Variants in KLF12 observed in about 807,000 individuals in gnomAD.
The protein encoded by KLF12 is Krueppel-like factor 12.
Under a neutral mutation model 37.8 loss-of-function variants are expected in KLF12, and 9 were observed. That is an observed-to-expected ratio of 0.24 (90% CI 0.14 to 0.42). The LOEUF is 0.42. Ranked by LOEUF, KLF12 falls within the 10% of genes least tolerant of loss-of-function variation. The probability of loss-of-function intolerance (pLI) is 1.00; values close to 1 mark genes in which losing one functional copy is unlikely to be tolerated. For missense variants in KLF12, 411 were observed against 516.0 expected, an observed-to-expected ratio of 0.80 and a Z score of 1.97; for synonymous variants, 208 against 202.1, an observed-to-expected ratio of 1.03 and a Z score of -0.25.
intron 3 of KLF12, among the ~76,000 whole-genome samples, chr13:73,867,269 A>G (rs1211096392): frequency 1.3e-5 from 2 of 152,116 alleles, no homozygotes; most frequent in Non-Finnish European, 2.9e-5. Context: ...ACAAAGCAAA[A>G]GAAGGTTGGT....
the KLF12 span, among the ~76,000 whole-genome samples, chr13:74,183,138 AT>A: frequency 1.3e-5 from 2 of 152,156 alleles, no homozygotes; most frequent in Non-Finnish European, 2.9e-5. Context: ...ATTGAATAGT[AT>A]TGATTAATTG....
At chr13:73,805,641 G>GAA (rs1882545161) in intron 5 of KLF12, among the ~76,000 whole-genome samples, 1 of 55,534 alleles carries the variant, frequency 1.8e-5, no homozygotes, top group Non-Finnish European at 3.4e-5. Context: ...AGGGAGGGAG[G>GAA]GAGGGAGGGA....
intron 1 of KLF12, among the ~76,000 whole-genome samples, chr13:74,120,356 C>G (rs1458961883): frequency 6.6e-6 from 1 of 152,120 alleles, no homozygotes; most frequent in African/African-American, 2.4e-5. Context: ...GTGGCAGGCG[C>G]CTATCAGGAG....
intron 3 of KLF12, among the ~76,000 whole-genome samples, chr13:73,935,439 C>T (rs1030214901): frequency 5.3e-5 from 8 of 151,940 alleles, no homozygotes; most frequent in East Asian, 1.9e-4. Context: ...TGTTGAAATG[C>T]GACCTCCAAT....
chr13:73,921,083 CTGTT>C (rs1383753595), intron 3 of KLF12, among the ~76,000 whole-genome samples: 1 of 152,174 alleles, frequency 6.6e-6, no homozygotes, highest in East Asian at 1.9e-4. Flanking sequence ...TACTTACTGT[CTGTT>C]TTTCAGGCCC....
intron 4 of KLF12, among the ~76,000 whole-genome samples, chr13:73,834,656 C>T (rs955530553): frequency 1.3e-5 from 2 of 152,126 alleles, no homozygotes; most frequent in African/African-American, 4.8e-5. Context: ...GATTACAAGG[C>T]GTATGCCACC....
At chr13:74,154,030 A>G in the KLF12 span, among the ~76,000 whole-genome samples, 1,574 of 151,786 alleles carry the variant, frequency 0.01, 30 homozygotes, top group African/African-American at 0.036. Context: ...GATCAAGACC[A>G]TCCTGGACAA....
intron 3 of KLF12, among the ~76,000 whole-genome samples, chr13:73,847,128 T>C (rs907106577): frequency 1.3e-5 from 2 of 152,150 alleles, no homozygotes; most frequent in Non-Finnish European, 2.9e-5. Context: ...ATGCTATTAT[T>C]TGCATGAATA....
intron 3 of KLF12, among the ~76,000 whole-genome samples, chr13:73,926,915 C>T (rs564963661): frequency 1.4e-5 from 2 of 145,578 alleles, no homozygotes; most frequent in South Asian, 4.5e-4. Context: ...GACAGAACAG[C>T]ACTCAACTCC....
chr13:74,181,041 C>T, the KLF12 span, among the ~76,000 whole-genome samples: 1 of 151,960 alleles, frequency 6.6e-6, no homozygotes, highest in Non-Finnish European at 1.5e-5. Context: ...CTTTGTTGCC[C>T]AGGCTGGAGT....
At chr13:73,759,454 C>T (rs781741698) in intron 6 of KLF12, among the ~76,000 whole-genome samples, 7 of 152,096 alleles carry the variant, frequency 4.6e-5, no homozygotes, top group Non-Finnish European at 8.8e-5. Flanking sequence ...GGAGTAAGTG[C>T]CACATACTGG....
In KLF12 at chr13:73,692,614, C is replaced by G. The variant is rs1566299274; in HGVS notation, c.*2876G>C. The G allele has an allele frequency of 6.6e-6, 1 of 152,642 alleles. No individual in the cohort carries two copies. 9.5% of individuals were successfully genotyped at this position (152,642 alleles called of 1,614,324 possible). On this transcript the variant is annotated 3_prime_UTR_variant, in exon 8 of 8. Coordinates refer to ENST00000377669, the MANE Select transcript of KLF12 (RefSeq NM_007249.5). ...GACATGAGATGAAATGGAGGCTCTT[C>G]CATGACTGAAGACATTCCATTTCTT...
At chr13:74,094,182 G>T (rs1296726989) in intron 1 of KLF12, among the ~76,000 whole-genome samples, 1 of 152,054 alleles carries the variant, frequency 6.6e-6, no homozygotes, top group Non-Finnish European at 1.5e-5. Flanking sequence ...TACAGACACA[G>T]TAGAAAAGGT....
intron 1 of KLF12, among the ~76,000 whole-genome samples, chr13:74,084,384 G>A (rs1055615132): frequency 2.6e-5 from 4 of 152,110 alleles, no homozygotes; most frequent in Non-Finnish European, 5.9e-5. Flanking sequence ...ACTTCCCCTT[G>A]ACCATTGTTC....
chr13:74,253,245 A>G, the KLF12 span, among the ~76,000 whole-genome samples: 3 of 152,230 alleles, frequency 2.0e-5, no homozygotes, highest in Admixed American at 6.5e-5. Context: ...CATTACCTAT[A>G]TAGAGGAACC....
rs1036901758 is a variant in KLF12 at position 73,691,557 on chromosome 13, A to C, written c.*3933T>G. ...TGTAACATGGATGCTGGTATTCTTA[A>C]CACTGCTTAATTTCTGTCAATCCTC... On this transcript the variant is annotated 3_prime_UTR_variant, in exon 8 of 8. Transcript: ENST00000377669. 1.3e-5 allele frequency: 2 copies of C among 152,590 alleles called. No homozygotes were observed. 9.5% of individuals were successfully genotyped at this position (152,590 alleles called of 1,614,324 possible).
Position 73,818,477 on chromosome 13 carries a change from G to C in KLF12, c.671-5190C>G, listed in dbSNP as rs1883354765. 2.0e-5 allele frequency among the ~76,000 whole-genome samples: 3 copies of C among 152,284 alleles called. No homozygotes were observed. In the South Asian group the frequency reaches 6.2e-4, roughly 32 times the overall value. On this transcript the variant is annotated intron_variant, in intron 4 of 7. Transcript: ENST00000377669. ...TCCTCCCCTCATGTAATAGTAGACTGACACAGATGCAGGGGACACTAATTC... is the reference window on the plus strand; with the variant it reads ...TCCTCCCCTCATGTAATAGTAGACTCACACAGATGCAGGGGACACTAATTC...
chr13:74,067,326 G>A (rs118115011), intron 1 of KLF12, among the ~76,000 whole-genome samples: 1 of 152,288 alleles, frequency 6.6e-6, no homozygotes, highest in East Asian at 1.9e-4. Flanking sequence ...TAAATACTAA[G>A]TTATCTTTGG....
chr13:73,860,133 CTT>C (rs1885841499), intron 3 of KLF12, among the ~76,000 whole-genome samples: 1 of 152,136 alleles, frequency 6.6e-6, no homozygotes, highest in Non-Finnish European at 1.5e-5. Flanking sequence ...CATTGTCTCT[CTT>C]CAGTTTCTGA....
Sources: allele counts gnomAD v4.1 joint callset (sites outside exome capture counted in the v4.1 genomes callset), GRCh38; gene constraint gnomAD v4.1.1; transcripts MANE v1.5; gene names NCBI Gene and HGNC (gene_info 2026-07-23, HGNC 2026-07-21).